Variants in ZNF324B observed in about 807,000 individuals in gnomAD.
The protein encoded by ZNF324B is zinc finger protein 324B.
In ZNF324B, 7 loss-of-function variants were observed where a neutral mutation model predicts 10.6. That is an observed-to-expected ratio of 0.66 (90% CI 0.38 to 1.24). The LOEUF is 1.24. ZNF324B is among the 50% of genes most tolerant of loss of function. The pLI, the probability that ZNF324B is intolerant of heterozygous loss-of-function variation, is 0.02. For synonymous variants in ZNF324B, 316 were observed against 321.0 expected, an observed-to-expected ratio of 0.98 and a Z score of 0.17; for missense variants, 640 against 764.7, an observed-to-expected ratio of 0.84 and a Z score of 1.92.
chr19:58,450,093 A>G (rs532744968), upstream of ZNF324B, among the ~76,000 whole-genome samples: 23 of 152,192 alleles, frequency 1.5e-4, no homozygotes, highest in Admixed American at 4.6e-4. Flanking sequence ...TTCTTGTGGT[A>G]GTGAGTAAGT....
At chr19:58,442,634 C>A in the ZNF324B span, 1 of 150,332 alleles carries the variant, frequency 6.7e-6, no homozygotes, top group African/African-American at 2.4e-5. Context: ...GGTGGCACAT[C>A]CAGAGTTGTT....
chr19:58,450,681 T>C (rs1301848767), upstream of ZNF324B, among the ~76,000 whole-genome samples: 1 of 152,128 alleles, frequency 6.6e-6, no homozygotes, highest in African/African-American at 2.4e-5. Context: ...AGTAGACAGA[T>C]ATTTATAGAT....
chr19:58,426,793 A>C, the ZNF324B span, among the ~76,000 whole-genome samples: 1 of 152,238 alleles, frequency 6.6e-6, no homozygotes, highest in Non-Finnish European at 1.5e-5. Context: ...TAGATTCCAG[A>C]AGAGAACTAC....
At chr19:58,453,384 G>C in intron 1 of ZNF324B, 2 of 457,116 alleles carry the variant, frequency 4.4e-6, no homozygotes, top group Non-Finnish European at 8.1e-6. Context: ...GTCATGAATG[G>C]TCATGCTGAG....
In ZNF324B at chr19:58,454,321, A is replaced by G; in HGVS notation, c.215A>G (p.Asn72Ser). Residue 72 changes from asparagine (N) to serine (S), a missense_variant, in exon 3 of 4, where the codon AAC (asparagine) becomes AGC (serine). Around this residue, in one of 3 missense-constraint regions of ZNF324B, gnomAD observed 345 missense variants for 387.9 expected, o/e 0.89. Transcript: ENST00000336614. Reference sequence around the variant, plus strand: ...GGAAAGGACATGACCCTGGCCAGGAACACCTACGGGAGGCTCAACTCTGGT... The same window carrying G: ...GGAAAGGACATGACCCTGGCCAGGAGCACCTACGGGAGGCTCAACTCTGGT... ...PSGKDMTLAR[N>S]TYGRLNSGSW... is the part of the protein sequence containing the mutation. The G allele has an allele frequency of 6.2e-7, 1 of 1,613,898 alleles. No individual in the cohort carries two copies. The highest frequency in any genetic ancestry group is 8.5e-7 in the Non-Finnish European group (1 of 1,179,808).
chr19:58,424,805 T>TA, the ZNF324B span, among the ~76,000 whole-genome samples: 1 of 151,288 alleles, frequency 6.6e-6, no homozygotes, highest in Non-Finnish European at 1.5e-5. Flanking sequence ...TGTCTCAAAA[T>TA]AAAAACAAAA....
intron 1 of ZNF324B, among the ~76,000 whole-genome samples, chr19:58,453,487 G>A (rs949112692): frequency 1.3e-5 from 2 of 152,168 alleles, no homozygotes; most frequent in Non-Finnish European, 2.9e-5. Flanking sequence ...TGGCCAGTGG[G>A]GAAGTCAAGA....
chr19:58,430,858 G>A, the ZNF324B span: 12,740 of 152,208 alleles, frequency 0.084, 1,623 homozygotes, highest in African/African-American at 0.28. Flanking sequence ...TGGCCTGCCC[G>A]GTGTTATCTG....
intron 1 of ZNF324B, 88 bp from the exon 2 acceptor site, chr19:58,453,608 G>C (rs1599980433): frequency 6.4e-7 from 1 of 1,566,318 alleles, no homozygotes. Context: ...AGGGACACTG[G>C]GGGAGGTGAC....
At chr19:58,427,996 A>T in the ZNF324B span, among the ~76,000 whole-genome samples, 2 of 152,216 alleles carry the variant, frequency 1.3e-5, no homozygotes, top group African/African-American at 4.8e-5. Context: ...CATTACACTC[A>T]GGAAGGAAGG....
upstream of ZNF324B, among the ~76,000 whole-genome samples, chr19:58,446,963 C>CTTTCT (rs1272208177): frequency 6.7e-6 from 1 of 148,178 alleles, no homozygotes; most frequent in East Asian, 2.0e-4. Context: ...TTTTCTCGTC[C>CTTTCT]TTTCTTTTCT....
At chr19:58,421,861 G>C in the ZNF324B span, among the ~76,000 whole-genome samples, 20 of 152,266 alleles carry the variant, frequency 1.3e-4, no homozygotes, top group African/African-American at 4.6e-4. Flanking sequence ...CTCAATATTA[G>C]TATGTTAATC....
chr19:58,427,104 T>C, the ZNF324B span, among the ~76,000 whole-genome samples: 2 of 151,992 alleles, frequency 1.3e-5, no homozygotes, highest in Non-Finnish European at 2.9e-5. Flanking sequence ...GTATTAGGAA[T>C]CTTTTTTTTT....
chr19:58,421,389 A>G, the ZNF324B span, among the ~76,000 whole-genome samples: 1 of 152,216 alleles, frequency 6.6e-6, no homozygotes, highest in Admixed American at 6.5e-5. Flanking sequence ...AACGGAAGCC[A>G]ATCCACATTG....
Position 58,455,734 on chromosome 19 carries a change from A to G in ZNF324B, c.790A>G (p.Lys264Glu), listed in dbSNP as rs1035560721. 1.9e-6 allele frequency: 3 copies of G among 1,613,838 alleles called. No individual in the cohort carries two copies. The highest frequency in any genetic ancestry group is 2.2e-5 in the South Asian group (2 of 91,080). Residue 264 changes from lysine to glutamate, a missense_variant, in exon 4 of 4, where the codon AAA becomes GAA. Transcript: ENST00000336614. This position sits in a 1 kb window ranked among gnomAD's most constrained non-coding sequence, Gnocchi z 7.0. ...GTCCTTCGAATGCAGGGCGTGCAGC[A>G]AAGTGTTCGTGAAGAGCTCCGACCT... Reference protein sequence around the residue: ...EKSFECRACSKVFVKSSDLLK... With the variant: ...EKSFECRACSEVFVKSSDLLK...
At chr19:58,420,704 C>CTTTTA in the ZNF324B span, among the ~76,000 whole-genome samples, 3 of 151,748 alleles carry the variant, frequency 2.0e-5, no homozygotes, top group Admixed American at 6.6e-5. Flanking sequence ...CTTATACCCA[C>CTTTTA]TTTTATTTTA....
the ZNF324B span, chr19:58,441,432 G>C: frequency 1.3e-5 from 2 of 152,278 alleles, no homozygotes; most frequent in Non-Finnish European, 2.9e-5. Flanking sequence ...CTTCAAGATA[G>C]AGCTAATGGA....
the ZNF324B span, chr19:58,434,887 T>G: frequency 6.2e-7 from 1 of 1,614,208 alleles, no homozygotes; most frequent in Non-Finnish European, 8.5e-7. Context: ...CTCTGACAGG[T>G]GGACTTTAGA....
the ZNF324B span, among the ~76,000 whole-genome samples, chr19:58,439,488 C>G: frequency 1.9e-4 from 29 of 152,226 alleles, no homozygotes; most frequent in Admixed American, 1.2e-3. Context: ...TTCATCACCA[C>G]TAAACAAGGT....
Sources: gnomAD v4.1 joint callset for allele counts (sites outside exome capture counted in the v4.1 genomes callset) on GRCh38, gnomAD v4.1.1 for gene constraint, gnomAD v4.1.1 regional missense constraint, Gnocchi (gnomAD v3.1) non-coding constraint, MANE v1.5 for transcripts, NCBI Gene and HGNC (gene_info 2026-07-23, HGNC 2026-07-21) for gene names.